VSNL1: variants seen among roughly 807,000 people sequenced by gnomAD.
VSNL1 encodes visinin-like protein 1.
In VSNL1, 6 loss-of-function variants were observed where a neutral mutation model predicts 20.4. That is an observed-to-expected ratio of 0.29 (90% CI 0.16 to 0.58). The LOEUF (loss-of-function observed/expected upper bound fraction) is 0.58. Among genes scored for constraint, VSNL1 ranks in the 20% least tolerant of loss-of-function variants. The pLI, the probability that VSNL1 is intolerant of heterozygous loss-of-function variation, is 0.90. For missense variants in VSNL1, 100 were observed against 234.5 expected (o/e 0.43, Z 3.75); for synonymous variants, 93 against 86.4 (o/e 1.08, Z -0.42).
intron 1 of VSNL1, among the ~76,000 whole-genome samples, chr2:17,591,365 T>C (rs893479168): frequency 1.3e-5 from 2 of 152,202 alleles, no homozygotes; most frequent in Admixed American, 6.5e-5. Flanking sequence ...GCACTATTAC[T>C]TTAACTCAAA....
chr2:17,579,692 G>A (rs1026118404), intron 1 of VSNL1, among the ~76,000 whole-genome samples: 21 of 152,322 alleles, frequency 1.4e-4, no homozygotes, highest in Admixed American at 1.4e-3. Context: ...GGTGCTTTAG[G>A]AAAGGTGTGG....
chr2:17,606,855 A>G (rs1664957119), intron 2 of VSNL1, among the ~76,000 whole-genome samples: 1 of 152,142 alleles, frequency 6.6e-6, no homozygotes, highest in Admixed American at 6.5e-5. Context: ...GTCAAAAGGG[A>G]TCTGAGAAAA....
chr2:17,623,815 C>T (rs1665442380), intron 2 of VSNL1, among the ~76,000 whole-genome samples: 1 of 152,140 alleles, frequency 6.6e-6, no homozygotes, highest in Non-Finnish European at 1.5e-5. Flanking sequence ...AGATCCTCTC[C>T]TTCCACCAGA....
chr2:17,565,513 C>T (rs1402985243), intron 1 of VSNL1, among the ~76,000 whole-genome samples: 1 of 152,104 alleles, frequency 6.6e-6, no homozygotes, highest in Non-Finnish European at 1.5e-5. Flanking sequence ...TAGCTGACAT[C>T]ATACTTAATG....
At chr2:17,568,158 T>G (rs4832495) in intron 1 of VSNL1, among the ~76,000 whole-genome samples, 150,374 of 152,248 alleles carry the variant, frequency 0.99, 74,287 homozygotes, top group Middle Eastern at 1. Flanking sequence ...TTGAATTAAG[T>G]TTTATTTATT....
intron 2 of VSNL1, among the ~76,000 whole-genome samples, chr2:17,603,336 G>C (rs2555082): frequency 2.6e-5 from 4 of 152,144 alleles, no homozygotes; most frequent in African/African-American, 9.7e-5. Context: ...CTTTCTTGCT[G>C]TGTCCTCACA....
intron 2 of VSNL1, among the ~76,000 whole-genome samples, chr2:17,633,947 G>A (rs1270169410): frequency 1.3e-5 from 2 of 152,192 alleles, no homozygotes; most frequent in Non-Finnish European, 2.9e-5. Flanking sequence ...CATGGGCAAA[G>A]CATGCAAAAG....
intron 2 of VSNL1, among the ~76,000 whole-genome samples, chr2:17,619,955 C>A (rs1665318094): frequency 6.6e-6 from 1 of 151,804 alleles, no homozygotes; most frequent in African/African-American, 2.4e-5. Flanking sequence ...TGGAGTCATG[C>A]CCAGGGTCTT....
At chr2:17,562,212 T>C (rs1663832716) in intron 1 of VSNL1, among the ~76,000 whole-genome samples, 1 of 152,228 alleles carries the variant, frequency 6.6e-6, no homozygotes, top group Non-Finnish European at 1.5e-5. Flanking sequence ...TTTAGAAATG[T>C]TAAAATTAAT....
intron 1 of VSNL1, among the ~76,000 whole-genome samples, chr2:17,549,377 C>T (rs1663474480): frequency 6.6e-6 from 1 of 152,086 alleles, no homozygotes; most frequent in Non-Finnish European, 1.5e-5. Context: ...CACATACATC[C>T]AGATAGATAG....
At chr2:17,554,399 A>G (rs1025607340) in intron 1 of VSNL1, among the ~76,000 whole-genome samples, 1 of 152,172 alleles carries the variant, frequency 6.6e-6, no homozygotes, top group African/African-American at 2.4e-5. Context: ...TAGCTTGGAT[A>G]CCACCGATTG....
chr2:17,554,102 C>T (rs942611021), intron 1 of VSNL1, among the ~76,000 whole-genome samples: 1 of 152,160 alleles, frequency 6.6e-6, no homozygotes, highest in African/African-American at 2.4e-5. Context: ...AATGCAATGA[C>T]AGTATACTGC....
chr2:17,587,348 A>AACACAC (rs67537461), intron 1 of VSNL1, among the ~76,000 whole-genome samples: 3,480 of 134,586 alleles, frequency 0.026, 71 homozygotes, highest in African/African-American at 0.051. Context: ...GGCTGAGGGC[A>AACACAC]ACACACACAC....
intron 1 of VSNL1, among the ~76,000 whole-genome samples, chr2:17,577,078 C>T (rs997123584): frequency 1.4e-4 from 21 of 152,186 alleles, no homozygotes; most frequent in Non-Finnish European, 2.1e-4. Flanking sequence ...GTACTGAGTA[C>T]TGTAGGCAAT....
chr2:17,579,673 C>T (rs766807963), intron 1 of VSNL1, among the ~76,000 whole-genome samples: 19 of 152,154 alleles, frequency 1.2e-4, no homozygotes, highest in Non-Finnish European at 2.6e-4. Context: ...GAAACTGAAA[C>T]CTAGCTCTGG....
intron 2 of VSNL1, among the ~76,000 whole-genome samples, chr2:17,621,599 T>C (rs1665361017): frequency 2.0e-5 from 3 of 152,118 alleles, no homozygotes; most frequent in African/African-American, 7.2e-5. Context: ...GCTGGGATTA[T>C]AGGCATGAGC....
At chr2:17,594,072 G>A (rs1360361656) in intron 2 of VSNL1, among the ~76,000 whole-genome samples, 1 of 152,192 alleles carries the variant, frequency 6.6e-6, no homozygotes, top group African/African-American at 2.4e-5. Flanking sequence ...TTGAAATGCA[G>A]GAAATGAGGT....
At chr2:17,576,450 ATTAT>A (rs1664217136) in intron 1 of VSNL1, among the ~76,000 whole-genome samples, 1 of 152,110 alleles carries the variant, frequency 6.6e-6, no homozygotes, top group African/African-American at 2.4e-5. Context: ...TTTATATTTA[ATTAT>A]TTATTTCTAG....
chr2:17,579,695 A>G (rs1468957504), intron 1 of VSNL1, among the ~76,000 whole-genome samples: 2 of 152,202 alleles, frequency 1.3e-5, no homozygotes, highest in Non-Finnish European at 2.9e-5. Flanking sequence ...GCTTTAGGAA[A>G]GGTGTGGTCC....
Sources: gnomAD v4.1 joint callset for allele counts (sites outside exome capture counted in the v4.1 genomes callset) on GRCh38, gnomAD v4.1.1 for gene constraint, MANE v1.5 for transcripts, NCBI Gene and HGNC (gene_info 2026-07-23, HGNC 2026-07-21) for gene names.